Variants in CFAP299 observed in about 807,000 individuals in gnomAD.
The protein encoded by CFAP299 is cilia- and flagella-associated protein 299.
In CFAP299, 21 loss-of-function variants were observed where a neutral mutation model predicts 27.0. That is an observed-to-expected ratio of 0.78 (90% CI 0.55 to 1.12). The LOEUF is 1.12. Among genes scored for constraint, CFAP299 ranks in the 50% most tolerant of loss-of-function variants. The pLI is 0.00. For missense variants in CFAP299, 310 were observed against 276.6 expected (o/e 1.12, Z -0.86); for synonymous variants, 104 against 98.1 (o/e 1.06, Z -0.36).
chr4:80,813,841 A>G (rs186989187), intron 3 of CFAP299, among the ~76,000 whole-genome samples: 8 of 152,164 alleles, frequency 5.3e-5, no homozygotes, highest in Non-Finnish European at 2.9e-5. Flanking sequence ...TTTATTATCC[A>G]GAAAAGGAAA....
chr4:80,703,096 A>ATT (rs780965205), intron 3 of CFAP299, among the ~76,000 whole-genome samples: 3 of 151,734 alleles, frequency 2.0e-5, no homozygotes, highest in Non-Finnish European at 4.4e-5. Context: ...GCATATGTCT[A>ATT]TTTAATAAAG....
At chr4:80,684,393 A>G (rs1196131501) in intron 3 of CFAP299, among the ~76,000 whole-genome samples, 1 of 151,950 alleles carries the variant, frequency 6.6e-6, no homozygotes, top group East Asian at 1.9e-4. Flanking sequence ...CCTCCTGAGT[A>G]GCCGGGACTA....
At chr4:80,423,742 T>A (rs1727402924) in intron 2 of CFAP299, among the ~76,000 whole-genome samples, 1 of 152,142 alleles carries the variant, frequency 6.6e-6, no homozygotes, top group African/African-American at 2.4e-5. Flanking sequence ...GTGTACAAGA[T>A]TGGGCTGCCA....
intron 3 of CFAP299, among the ~76,000 whole-genome samples, chr4:80,631,859 G>GGCCCCCCC (rs34615962): frequency 4.7e-5 from 1 of 21,470 alleles, no homozygotes; most frequent in Non-Finnish European, 9.2e-5. Context: ...GAATATTTGT[G>GGCCCCCCC]CCCCACCCCC....
At position 80,890,557 on chromosome 4, in the gene CFAP299, G is replaced by A. The variant is rs544905869; in HGVS notation, c.476+20422G>A. 3.5e-3 allele frequency among the ~76,000 whole-genome samples: 533 copies of A among 150,756 alleles called. 4 individuals are homozygous for A. The highest frequency in any genetic ancestry group is 0.012 in the African/African-American group (483 of 41,062). Reference sequence around the variant, plus strand: ...TGTCTTTATAGCAGCATGATTTATAGTCCTTTGGGTATATACCCAGTAATG... The same window carrying A: ...TGTCTTTATAGCAGCATGATTTATAATCCTTTGGGTATATACCCAGTAATG... On this transcript the variant is annotated intron_variant, in intron 4 of 5. Coordinates refer to ENST00000358105, the MANE Select transcript of CFAP299 (RefSeq NM_152770.3).
At chr4:80,431,613 A>G (rs957810682) in intron 2 of CFAP299, among the ~76,000 whole-genome samples, 2 of 151,492 alleles carry the variant, frequency 1.3e-5, no homozygotes, top group Non-Finnish European at 2.9e-5. Context: ...GTTAAGGCCA[A>G]TTTTCTATAT....
At chr4:80,414,610 G>T (rs1264074503) in intron 2 of CFAP299, among the ~76,000 whole-genome samples, 1 of 152,146 alleles carries the variant, frequency 6.6e-6, no homozygotes, top group Non-Finnish European at 1.5e-5. Flanking sequence ...TTTTGCAAAT[G>T]AAATCTCATG....
chr4:80,853,873 GATGGAC>G (rs1284137578), intron 3 of CFAP299, among the ~76,000 whole-genome samples: 2 of 152,180 alleles, frequency 1.3e-5, no homozygotes, highest in African/African-American at 4.8e-5. Context: ...GAAGTTGTGT[GATGGAC>G]ATGTTCAGTT....
intron 3 of CFAP299, among the ~76,000 whole-genome samples, chr4:80,864,235 A>T (rs1383411921): frequency 6.6e-6 from 1 of 151,678 alleles, no homozygotes; most frequent in Non-Finnish European, 1.5e-5. Context: ...AACATTTTAA[A>T]ATTATTCTTA....
intron 3 of CFAP299, among the ~76,000 whole-genome samples, chr4:80,631,079 A>G (rs1220402228): frequency 6.6e-6 from 1 of 152,078 alleles, no homozygotes; most frequent in East Asian, 1.9e-4. Context: ...AATTAATTAT[A>G]AAATAACATT....
At chr4:80,801,726 TAAAG>T (rs147054746) in intron 3 of CFAP299, among the ~76,000 whole-genome samples, 1 of 152,124 alleles carries the variant, frequency 6.6e-6, no homozygotes, top group Non-Finnish European at 1.5e-5. Flanking sequence ...GGAAGAAAGA[TAAAG>T]AAAAACAAAA....
intron 3 of CFAP299, among the ~76,000 whole-genome samples, chr4:80,833,648 T>A (rs550493759): frequency 6.6e-6 from 1 of 152,338 alleles, no homozygotes; most frequent in South Asian, 2.1e-4. Flanking sequence ...ATTGTGATTC[T>A]ACCCACGATA....
At position 80,904,361 on chromosome 4, in the gene CFAP299, CA is replaced by C. The variant is rs1480076726; in HGVS notation, c.476+34227del. ...GCAAGTCAATGCGTGAGGCTTCCTGCAGTAGAAATACCTACCTCTCTCTCTC... is the reference window on the plus strand; with the variant it reads ...GCAAGTCAATGCGTGAGGCTTCCTGCGTAGAAATACCTACCTCTCTCTCTC... On this transcript the variant is annotated intron_variant, in intron 4 of 5. Transcript: ENST00000358105. Among the ~76,000 whole-genome samples the C allele has an allele frequency of 1.4e-4, 22 of 152,254 alleles. No individual in the cohort carries two copies. The East Asian group carries it at 4.2e-3, about 29-fold the overall frequency.
At chr4:80,649,641 T>C (rs1378894944) in intron 3 of CFAP299, among the ~76,000 whole-genome samples, 1 of 152,172 alleles carries the variant, frequency 6.6e-6, no homozygotes, top group Non-Finnish European at 1.5e-5. Context: ...TAGATTGGTA[T>C]CTTGAAAGAA....
chr4:80,816,386 T>C (rs1051085474), intron 3 of CFAP299, among the ~76,000 whole-genome samples: 1 of 152,120 alleles, frequency 6.6e-6, no homozygotes, highest in African/African-American at 2.4e-5. Context: ...AATAAATCCC[T>C]TTAATATAGA....
chr4:80,431,498 C>T (rs1321152232), intron 2 of CFAP299, among the ~76,000 whole-genome samples: 2 of 151,382 alleles, frequency 1.3e-5, no homozygotes, highest in Non-Finnish European at 2.9e-5. Context: ...TTTCCTCCTC[C>T]TCCTCCTCCT....
Position 80,688,345 on chromosome 4 carries a change from G to C in CFAP299, c.333+105162G>C, listed in dbSNP as rs1238685411. Among the ~76,000 whole-genome samples, 4 of 152,272 alleles carry C rather than the reference G, an allele frequency of 2.6e-5. No individual in the cohort carries two copies. In the East Asian group the frequency reaches 5.8e-4, roughly 22 times the overall value. On this transcript the variant is annotated intron_variant, in intron 3 of 5. Coordinates refer to ENST00000358105, the MANE Select transcript of CFAP299 (RefSeq NM_152770.3). ...TCCCAGCATGCAGCTGGAGATCTGA[G>C]AACGGGCAGAATGCCTCCTCAAGTG...
intron 2 of CFAP299, among the ~76,000 whole-genome samples, chr4:80,557,392 G>A (rs1443175030): frequency 6.6e-6 from 1 of 151,908 alleles, no homozygotes; most frequent in African/African-American, 2.4e-5. Flanking sequence ...TTTAGCAGGG[G>A]GTCAGTACCT....
At chr4:80,836,705 T>G (rs56034497) in intron 3 of CFAP299, among the ~76,000 whole-genome samples, 6 of 152,122 alleles carry the variant, frequency 3.9e-5, no homozygotes, top group Non-Finnish European at 7.4e-5. Context: ...GAAAGTGACA[T>G]ATTTAGAGGT....
Sources: gnomAD v4.1 joint callset for allele counts (sites outside exome capture counted in the v4.1 genomes callset) on GRCh38, gnomAD v4.1.1 for gene constraint, MANE v1.5 for transcripts, NCBI Gene and HGNC (gene_info 2026-07-23, HGNC 2026-07-21) for gene names.